EPB41: variants seen among roughly 807,000 people sequenced by gnomAD.
EPB41 encodes the protein erythrocyte membrane protein band 4.1.
Under a neutral mutation model 108.0 loss-of-function variants are expected in EPB41, and 65 were observed. The ratio of observed to expected loss-of-function variants is 0.60; its 90% CI spans 0.49 to 0.74. EPB41 has a LOEUF of 0.74. Ranked by LOEUF, EPB41 falls within the 30% of genes least tolerant of loss-of-function variation. The pLI is 0.00. For missense variants in EPB41, 875 were observed against 1,037.0 expected, an observed-to-expected ratio of 0.84 and a Z score of 2.15; for synonymous variants, 336 against 358.9, an observed-to-expected ratio of 0.94 and a Z score of 0.72.
intron 1 of EPB41, among the ~76,000 whole-genome samples, chr1:28,928,658 T>G (rs1430540091): frequency 2.6e-5 from 4 of 152,190 alleles, no homozygotes; most frequent in Non-Finnish European, 5.9e-5. Context: ...TGTTGCAGTT[T>G]TATTTCTGAG....
intron 10 of EPB41, 64 bp downstream of exon 10, chr1:29,035,987 G>A (rs2150365757): frequency 1.5e-6 from 2 of 1,290,356 alleles, no homozygotes. Flanking sequence ...TTTTAAGCCT[G>A]CTATTAAAAT....
rs1225164023 is a variant in EPB41 at position 29,030,497 on chromosome 1, A to G, written c.1212+10A>G. 2 of 1,602,102 alleles carry G rather than the reference A, an allele frequency of 1.2e-6. No homozygotes were observed. Among genetic ancestry groups the G allele is most frequent in the African/African-American group, 1.3e-5 (1 of 74,688 alleles). On this transcript the variant is annotated intron_variant, in intron 8 of 20. Transcript: ENST00000343067. ...TCTTCATAAAGCAAAGGTAATGATA[A>G]CTTTGCCCTTTATTAATATGCATGT...
At chr1:29,066,428 GA>G (rs895196160) in intron 16 of EPB41, among the ~76,000 whole-genome samples, 1 of 150,916 alleles carries the variant, frequency 6.6e-6, no homozygotes, top group African/African-American at 2.4e-5. Context: ...CAAAAAAAAA[GA>G]AAAAAAAGAA....
intron 4 of EPB41, among the ~76,000 whole-genome samples, chr1:29,001,547 C>T (rs181361866): frequency 9.9e-5 from 15 of 152,192 alleles, no homozygotes; most frequent in East Asian, 3.9e-4. Flanking sequence ...GGGATGTAAT[C>T]GTTTTTGAGA....
At chr1:29,054,428 G>T (rs1384577547) in intron 12 of EPB41, 1 of 151,264 alleles carries the variant, frequency 6.6e-6, no homozygotes. Flanking sequence ...TAAGATCTTA[G>T]TAAGTGTTCT....
upstream of EPB41, among the ~76,000 whole-genome samples, chr1:28,910,010 C>G (rs2092142321): frequency 6.6e-6 from 1 of 151,586 alleles, no homozygotes; most frequent in Admixed American, 6.6e-5. Flanking sequence ...TCACTTGAGC[C>G]CAGGAGGTCG....
At chr1:29,073,854 G>C (rs1027761541) in intron 16 of EPB41, among the ~76,000 whole-genome samples, 2 of 152,150 alleles carry the variant, frequency 1.3e-5, no homozygotes, top group African/African-American at 2.4e-5. Context: ...ACATGGAATA[G>C]ATTTCCAGTT....
At chr1:28,906,241 C>T (rs1048534507) in intron 1 of EPB41, among the ~76,000 whole-genome samples, 1 of 152,134 alleles carries the variant, frequency 6.6e-6, no homozygotes, top group African/African-American at 2.4e-5. Flanking sequence ...TTTGGAGGGT[C>T]TTGGAGCAAG....
chr1:29,045,804 C>T (rs1273390488), intron 11 of EPB41, among the ~76,000 whole-genome samples: 1 of 114,516 alleles, frequency 8.7e-6, no homozygotes, highest in Admixed American at 9.4e-5. Flanking sequence ...AAGACCCTGT[C>T]TCTAAAAAAA....
chr1:28,991,549 A>G (rs1249874775), intron 2 of EPB41, among the ~76,000 whole-genome samples: 1 of 151,892 alleles, frequency 6.6e-6, no homozygotes, highest in Non-Finnish European at 1.5e-5. Context: ...ACAAAAAAGT[A>G]AAAAACTAGC....
intron 1 of EPB41, among the ~76,000 whole-genome samples, chr1:28,944,163 A>G (rs1378190153): frequency 6.6e-6 from 1 of 152,168 alleles, no homozygotes; most frequent in Non-Finnish European, 1.5e-5. Context: ...AATCAAAACA[A>G]TTGAACTCAC....
intron 1 of EPB41, among the ~76,000 whole-genome samples, chr1:28,980,061 T>C (rs560613225): frequency 6.6e-6 from 1 of 152,312 alleles, no homozygotes; most frequent in East Asian, 1.9e-4. Flanking sequence ...AAAAGTGCAT[T>C]GTGGCAGGTT....
chr1:29,036,197 A>G (rs1639347226), intron 10 of EPB41, among the ~76,000 whole-genome samples: 1 of 151,776 alleles, frequency 6.6e-6, no homozygotes, highest in African/African-American at 2.4e-5. Context: ...GATTGCATTA[A>G]TTGTAGCTAA....
At chr1:28,960,005 T>C (rs572101367) in intron 1 of EPB41, among the ~76,000 whole-genome samples, 73 of 148,066 alleles carry the variant, frequency 4.9e-4, no homozygotes, top group African/African-American at 1.7e-3. Flanking sequence ...TCTTTTCTTT[T>C]TTTTTTTTTT....
intron 1 of EPB41, among the ~76,000 whole-genome samples, chr1:28,948,838 A>G (rs1409599506): frequency 2.0e-5 from 3 of 151,974 alleles, no homozygotes; most frequent in Admixed American, 1.3e-4. Context: ...AGTCCCAGCT[A>G]CTCGGGAGGC....
chr1:28,964,714 T>C (rs1305242037), intron 1 of EPB41, among the ~76,000 whole-genome samples: 4 of 152,218 alleles, frequency 2.6e-5, no homozygotes, highest in Non-Finnish European at 1.5e-5. Flanking sequence ...AAAGCAGGCT[T>C]TCCCTAATCT....
At chr1:29,099,906 A>G (rs1373136542) in intron 17 of EPB41, among the ~76,000 whole-genome samples, 2 of 152,248 alleles carry the variant, frequency 1.3e-5, no homozygotes, top group Admixed American at 6.5e-5. Flanking sequence ...AATTTCAGAC[A>G]GTGGTAAATG....
chr1:28,906,088 G>A (rs566816557), intron 1 of EPB41, among the ~76,000 whole-genome samples: 1 of 152,002 alleles, frequency 6.6e-6, no homozygotes, highest in Non-Finnish European at 1.5e-5. Flanking sequence ...CAAAGTGTTG[G>A]GATTATAGGC....
At chr1:28,937,093 A>T (rs2094063568) in intron 1 of EPB41, among the ~76,000 whole-genome samples, 1 of 152,164 alleles carries the variant, frequency 6.6e-6, no homozygotes, top group Non-Finnish European at 1.5e-5. Flanking sequence ...TGTAAAAAAA[A>T]ATTATAGCTA....
Sources: gnomAD v4.1 joint callset for allele counts (sites outside exome capture counted in the v4.1 genomes callset) on GRCh38, gnomAD v4.1.1 for gene constraint, MANE v1.5 for transcripts, NCBI Gene and HGNC (gene_info 2026-07-23, HGNC 2026-07-21) for gene names.